Variants in CNTN4 observed in about 807,000 individuals in gnomAD.
The protein encoded by CNTN4 is contactin-4.
In CNTN4, 77 loss-of-function variants were observed where a neutral mutation model predicts 122.5. The observed-to-expected ratio is 0.63, with a 90% CI of 0.52 to 0.76. CNTN4 has a LOEUF of 0.76. Ranked by LOEUF, CNTN4 falls within the 30% of genes least tolerant of loss-of-function variation. The pLI, the probability that CNTN4 is intolerant of heterozygous loss-of-function variation, is 0.00. For missense variants in CNTN4, 1,256 were observed against 1,259.1 expected (o/e 1.00, Z 0.04); for synonymous variants, 512 against 447.0 (o/e 1.15, Z -1.83).
intron 6 of CNTN4, among the ~76,000 whole-genome samples, chr3:2,753,735 G>A (rs1488425313): frequency 6.6e-6 from 1 of 152,078 alleles, no homozygotes; most frequent in African/African-American, 2.4e-5. Flanking sequence ...ATTTTTTGTT[G>A]CATTAACAAT....
chr3:2,527,113 A>C (rs1352461925), intron 3 of CNTN4, among the ~76,000 whole-genome samples: 2 of 152,184 alleles, frequency 1.3e-5, no homozygotes, highest in South Asian at 2.1e-4. Flanking sequence ...GTGTGGGTGC[A>C]CTTGGGCTTA....
intron 14 of CNTN4, among the ~76,000 whole-genome samples, chr3:3,005,290 AT>A (rs1268292643): frequency 5.3e-5 from 8 of 151,998 alleles, no homozygotes; most frequent in African/African-American, 1.7e-4. Context: ...ATAGGCTGAG[AT>A]TTTTTTCAAA....
At chr3:2,546,694 A>G (rs1177343952) in intron 3 of CNTN4, among the ~76,000 whole-genome samples, 1 of 152,128 alleles carries the variant, frequency 6.6e-6, no homozygotes, top group Non-Finnish European at 1.5e-5. Context: ...GTCCCAATGT[A>G]AGAGACAAAT....
intron 4 of CNTN4, among the ~76,000 whole-genome samples, chr3:2,580,377 G>T (rs1440590006): frequency 7.9e-5 from 12 of 152,246 alleles, no homozygotes; most frequent in Admixed American, 7.2e-4. Flanking sequence ...TTATCAAGTT[G>T]TAAGAGGATA....
At chr3:2,773,354 T>G (rs1394011524) in intron 6 of CNTN4, among the ~76,000 whole-genome samples, 1 of 152,186 alleles carries the variant, frequency 6.6e-6, no homozygotes, top group Non-Finnish European at 1.5e-5. Context: ...TACTGACTTG[T>G]TAGATATAAA....
chr3:2,373,201 G>T (rs1319069255), intron 3 of CNTN4, among the ~76,000 whole-genome samples: 1 of 152,232 alleles, frequency 6.6e-6, no homozygotes, highest in Non-Finnish European at 1.5e-5. Flanking sequence ...ATTCAGTGAT[G>T]ACTGTTGTTC....
intron 3 of CNTN4, among the ~76,000 whole-genome samples, chr3:2,477,020 A>C (rs535212490): frequency 6.6e-6 from 1 of 152,310 alleles, no homozygotes; most frequent in African/African-American, 2.4e-5. Context: ...GGGATAACTA[A>C]TGGCTTAGAA....
intron 4 of CNTN4, among the ~76,000 whole-genome samples, chr3:2,585,615 T>C (rs527348967): frequency 2.2e-4 from 32 of 146,018 alleles, no homozygotes; most frequent in African/African-American, 6.6e-4. Context: ...TGCATGTTCT[T>C]ACTCATAGGT....
chr3:2,862,552 T>C (rs1281634677), intron 7 of CNTN4, among the ~76,000 whole-genome samples: 2 of 152,214 alleles, frequency 1.3e-5, no homozygotes, highest in African/African-American at 4.8e-5. Context: ...CCATTTAATA[T>C]GTTGCATTCC....
chr3:2,260,854 A>AG (rs1172637902), intron 2 of CNTN4, among the ~76,000 whole-genome samples: 1 of 151,154 alleles, frequency 6.6e-6, no homozygotes, highest in Non-Finnish European at 1.5e-5. Context: ...CAGCCTCCTG[A>AG]GTAGCTGGGA....
chr3:2,619,928 T>C (rs540664033), intron 4 of CNTN4, among the ~76,000 whole-genome samples: 2 of 152,308 alleles, frequency 1.3e-5, no homozygotes, highest in African/African-American at 2.4e-5. Context: ...ATCAGTTGTT[T>C]CTAAGATAGG....
chr3:2,672,564 G>C (rs1019834968), intron 4 of CNTN4, among the ~76,000 whole-genome samples: 4 of 152,144 alleles, frequency 2.6e-5, no homozygotes, highest in African/African-American at 9.7e-5. Flanking sequence ...GCACTTCCCG[G>C]GTGAGGCAAT....
intron 13 of CNTN4, among the ~76,000 whole-genome samples, chr3:2,934,559 G>A (rs967128836): frequency 2.6e-5 from 4 of 152,256 alleles, no homozygotes; most frequent in African/African-American, 9.6e-5. Context: ...TGCCCAGAAG[G>A]CCGATGGAAT....
At chr3:2,372,411 C>G (rs1242361427) in intron 3 of CNTN4, among the ~76,000 whole-genome samples, 1 of 152,118 alleles carries the variant, frequency 6.6e-6, no homozygotes, top group Non-Finnish European at 1.5e-5. Context: ...GTGTATTCTT[C>G]CTTGTTTACC....
chr3:2,321,213 A>T (rs915470162), intron 2 of CNTN4, among the ~76,000 whole-genome samples: 1 of 152,104 alleles, frequency 6.6e-6, no homozygotes, highest in Non-Finnish European at 1.5e-5. Flanking sequence ...CATTATCTCA[A>T]TTGTGAAATG....
chr3:2,804,065 G>GCGCACACACA (rs2092408259), intron 6 of CNTN4, among the ~76,000 whole-genome samples: 8 of 144,434 alleles, frequency 5.5e-5, no homozygotes, highest in African/African-American at 2.1e-4. Flanking sequence ...ATATATGTCT[G>GCGCACACACA]CACACACACA....
In CNTN4 at chr3:2,819,519, C is replaced by T. The variant is rs1470803964; in HGVS notation, c.392C>T (p.Thr131Ile). The change falls in exon 7 of 25, where the codon ACT becomes ATT. Residue 131 changes from threonine (T) to isoleucine (I), a missense_variant. Coordinates refer to ENST00000418658, the MANE Select transcript of CNTN4 (RefSeq NM_175607.3). The stretch of plus-strand genomic sequence containing the variant: ...AACTTTAAAACAAGAACAAGAAGCA[C>T]TGTGTCTGTCCGTCGAGGTCAAGGA... ...LDNFKTRTRS[T>I]VSVRRGQGMV... 1 of 1,614,152 alleles carries T rather than the reference C, an allele frequency of 6.2e-7. No individual in the cohort carries two copies. Among genetic ancestry groups the T allele is most frequent in the African/African-American group, 1.3e-5 (1 of 75,050 alleles).
At chr3:2,626,249 A>G (rs1278312903) in intron 4 of CNTN4, among the ~76,000 whole-genome samples, 1 of 151,984 alleles carries the variant, frequency 6.6e-6, no homozygotes, top group Non-Finnish European at 1.5e-5. Context: ...AAAAATCCAC[A>G]ATCTAAGGCC....
chr3:2,102,666 A>G (rs1202896951), intron 2 of CNTN4, among the ~76,000 whole-genome samples: 1 of 152,158 alleles, frequency 6.6e-6, no homozygotes, highest in African/African-American at 2.4e-5. Flanking sequence ...AAAGAGGAAG[A>G]CTTGGGAGGA....
Sources: gnomAD v4.1 joint callset for allele counts (sites outside exome capture counted in the v4.1 genomes callset) on GRCh38, gnomAD v4.1.1 for gene constraint, MANE v1.5 for transcripts, NCBI Gene and HGNC (gene_info 2026-07-23, HGNC 2026-07-21) for gene names.